Variants in SGMS1 observed in about 807,000 individuals in gnomAD.
SGMS1 encodes the protein phosphatidylcholine:ceramide cholinephosphotransferase 1.
SGMS1 carries 13 observed loss-of-function variants against 46.2 expected under a neutral mutation model. The ratio of observed to expected loss-of-function variants is 0.28; its 90% CI spans 0.18 to 0.45. SGMS1 has a LOEUF of 0.45. Among genes scored for constraint, SGMS1 ranks in the 20% least tolerant of loss-of-function variants. SGMS1 has a pLI of 1.00. For synonymous variants in SGMS1, 203 were observed against 187.8 expected, an observed-to-expected ratio of 1.08 and a Z score of -0.66; for missense variants, 324 against 519.9, an observed-to-expected ratio of 0.62 and a Z score of 3.66.
At chr10:50,475,415 T>C (rs12246361) in intron 3 of SGMS1, among the ~76,000 whole-genome samples, 5,216 of 152,318 alleles carry the variant, frequency 0.034, 301 homozygotes, top group African/African-American at 0.12. Context: ...GCATGCAATA[T>C]GCTTTTAACT....
chr10:50,524,964 A>C (rs1588864386), intron 2 of SGMS1, among the ~76,000 whole-genome samples: 1 of 152,278 alleles, frequency 6.6e-6, no homozygotes, highest in Admixed American at 6.5e-5. Context: ...AAAGACCAAA[A>C]TATTTTACCA....
chr10:50,415,959 C>G (rs1381279325), intron 6 of SGMS1, among the ~76,000 whole-genome samples: 2 of 152,148 alleles, frequency 1.3e-5, no homozygotes, highest in African/African-American at 4.8e-5. Flanking sequence ...ATTAAAAGGT[C>G]TTCAGAAAAA....
At chr10:50,480,150 A>T (rs1435861685) in intron 3 of SGMS1, among the ~76,000 whole-genome samples, 1 of 152,142 alleles carries the variant, frequency 6.6e-6, no homozygotes, top group Non-Finnish European at 1.5e-5. Flanking sequence ...TCATGCAGTG[A>T]GTACTACATG....
chr10:50,472,134 T>C (rs1327742545), intron 3 of SGMS1, among the ~76,000 whole-genome samples: 1 of 152,210 alleles, frequency 6.6e-6, no homozygotes, highest in Admixed American at 6.5e-5. Context: ...TATAATGTGA[T>C]GTATTTTGAT....
intron 2 of SGMS1, among the ~76,000 whole-genome samples, chr10:50,578,070 T>C (rs753801645): frequency 3.3e-5 from 5 of 152,208 alleles, no homozygotes; most frequent in Non-Finnish European, 7.3e-5. Context: ...GATCATGAAA[T>C]AATCCAAGGT....
rs35580756 is a variant in SGMS1, at chr10:50,448,742, C to CAAAAAAAA, written c.-313+11923_-313+11930dup. ...CTGAGCAACAAGAGTGAAACTCCGCCAAAAAAAAAAAAAAAAAAAGAATGA... is the reference window on the plus strand; with the variant it reads ...CTGAGCAACAAGAGTGAAACTCCGCCAAAAAAAAAAAAAAAAAAAAAAAAAAAGAATGA... On this transcript the variant is annotated intron_variant, in intron 5 of 10. Coordinates refer to ENST00000361781, the MANE Select transcript of SGMS1 (RefSeq NM_147156.4). 8.5e-5 allele frequency among the ~76,000 whole-genome samples: 5 copies of CAAAAAAAA among 58,736 alleles called. No individual in the cohort carries two copies. In the East Asian group the frequency reaches 1.1e-3, roughly 12 times the overall value. 38.5% of individuals were successfully genotyped at this position (58,736 alleles called of 152,430 possible).
intron 2 of SGMS1, among the ~76,000 whole-genome samples, chr10:50,589,115 C>A (rs1838514800): frequency 6.6e-6 from 1 of 152,028 alleles, no homozygotes; most frequent in Admixed American, 6.6e-5. Context: ...TCAGCCATGG[C>A]GGGGATGGGT....
At chr10:50,599,085 C>T (rs1838623432) in intron 1 of SGMS1, among the ~76,000 whole-genome samples, 2 of 152,168 alleles carry the variant, frequency 1.3e-5, no homozygotes, top group Admixed American at 6.5e-5. Flanking sequence ...AGAGCTTTCA[C>T]AGGGGCTGGG....
chr10:50,558,919 G>A (rs549132872), intron 2 of SGMS1, among the ~76,000 whole-genome samples: 114 of 152,110 alleles, frequency 7.5e-4, no homozygotes, highest in Non-Finnish European at 1.2e-3. Context: ...TAAGGTTTCC[G>A]GTCAAGAGTA....
chr10:50,495,766 T>TAA (rs35489210), intron 3 of SGMS1, among the ~76,000 whole-genome samples: 67 of 147,392 alleles, frequency 4.5e-4, no homozygotes, highest in African/African-American at 9.7e-4. Flanking sequence ...CCAAGAATTA[T>TAA]AAAAAAAAAA....
At chr10:50,469,131 C>T (rs1454592704) in intron 3 of SGMS1, among the ~76,000 whole-genome samples, 2 of 152,208 alleles carry the variant, frequency 1.3e-5, no homozygotes, top group Non-Finnish European at 2.9e-5. Flanking sequence ...AATTACGTGT[C>T]GGATACCTTT....
At chr10:50,342,115 T>C (rs1428728481) in intron 7 of SGMS1, 1 of 152,220 alleles carries the variant, frequency 6.6e-6, no homozygotes, top group East Asian at 1.9e-4. Flanking sequence ...ACCTTGCCTT[T>C]GTACAGTACT....
chr10:50,331,868 T>C (rs1312267062), intron 7 of SGMS1, among the ~76,000 whole-genome samples: 1 of 152,200 alleles, frequency 6.6e-6, no homozygotes, highest in Non-Finnish European at 1.5e-5. Flanking sequence ...GCGCTATTTA[T>C]GAACCAGGAA....
At chr10:50,610,256 C>T (rs548191076) in intron 1 of SGMS1, among the ~76,000 whole-genome samples, 1 of 152,278 alleles carries the variant, frequency 6.6e-6, no homozygotes, top group South Asian at 2.1e-4. Flanking sequence ...CCATTAGTTC[C>T]TCTAAAAAGA....
intron 4 of SGMS1, among the ~76,000 whole-genome samples, chr10:50,464,309 C>T (rs1451674160): frequency 6.6e-6 from 1 of 152,150 alleles, no homozygotes; most frequent in Non-Finnish European, 1.5e-5. Flanking sequence ...GACCATTTGA[C>T]CACTGCTGAC....
intron 7 of SGMS1, among the ~76,000 whole-genome samples, chr10:50,338,963 C>A (rs945897734): frequency 1.3e-5 from 2 of 152,222 alleles, no homozygotes; most frequent in Middle Eastern, 6.8e-3. Flanking sequence ...GTCTCAAACT[C>A]TCAGCCTCAG....
chr10:50,438,251 A>C (rs1339614872), intron 5 of SGMS1, among the ~76,000 whole-genome samples: 1 of 152,188 alleles, frequency 6.6e-6, no homozygotes, highest in East Asian at 1.9e-4. Context: ...CTTGTAGCCA[A>C]TAGAATAAGG....
chr10:50,541,844 A>G (rs1196254690), intron 2 of SGMS1, among the ~76,000 whole-genome samples: 2 of 152,200 alleles, frequency 1.3e-5, no homozygotes, highest in Non-Finnish European at 2.9e-5. Context: ...CCTGGAGCCA[A>G]AGTTTTCTTT....
intron 6 of SGMS1, among the ~76,000 whole-genome samples, chr10:50,350,217 A>G (rs899195102): frequency 7.2e-5 from 11 of 152,198 alleles, no homozygotes; most frequent in Non-Finnish European, 1.6e-4. Flanking sequence ...GATTTGTGGA[A>G]CTTTGAACTT....
Sources: allele counts gnomAD v4.1 joint callset (sites outside exome capture counted in the v4.1 genomes callset), GRCh38; gene constraint gnomAD v4.1.1; transcripts MANE v1.5; gene names NCBI Gene and HGNC (gene_info 2026-07-23, HGNC 2026-07-21).